PTPN1: variants seen among roughly 807,000 people sequenced by gnomAD.
PTPN1 encodes the protein tyrosine-protein phosphatase non-receptor type 1.
In PTPN1, 12 loss-of-function variants were observed where a neutral mutation model predicts 59.9. The observed-to-expected ratio is 0.20, with a 90% CI of 0.13 to 0.32. The LOEUF is 0.32. PTPN1 is among the 10% of genes least tolerant of loss of function. The pLI is 1.00. For missense variants in PTPN1, 356 were observed against 549.2 expected, an observed-to-expected ratio of 0.65 and a Z score of 3.52; for synonymous variants, 178 against 203.6, an observed-to-expected ratio of 0.87 and a Z score of 1.07.
intron 1 of PTPN1, among the ~76,000 whole-genome samples, chr20:50,560,602 G>A (rs375700918): frequency 7.3e-5 from 11 of 151,204 alleles, no homozygotes; most frequent in Non-Finnish European, 1.6e-4. Context: ...CACCGTAGGG[G>A]ATGGGGCTGT....
rs115507939 is a variant in PTPN1, at chr20:50,510,762, C to T, written c.63+172C>T. ...GTCCCCCCACCCTTTGTCCCCGGGG[C>T]GGGCGTGTTTCTCGCCGCAGCGTCG... On this transcript the variant is annotated intron_variant, in intron 1 of 9. Transcript: ENST00000371621. 4.7e-3 allele frequency among the ~76,000 whole-genome samples: 713 copies of T among 151,792 alleles called. 4 individuals carry two copies. Among genetic ancestry groups the T allele is most frequent in the African/African-American group, 0.017 (683 of 41,348 alleles).
Position 50,582,191 on chromosome 20 carries a change from G to A in PTPN1, c.1285-501G>A, listed in dbSNP as rs188192333. The stretch of plus-strand genomic sequence containing the variant: ...CTCCTGTGACAGCCATCTTGCTCAT[G>A]TACCAGCCCTCATCACCCCATCCCC... On this transcript the variant is annotated intron_variant, in intron 9 of 9. Coordinates refer to ENST00000371621, the MANE Select transcript of PTPN1 (RefSeq NM_002827.4). This position sits in a 1 kb window ranked among gnomAD's most constrained non-coding sequence, Gnocchi z 4.2. Among the ~76,000 whole-genome samples, 2 of 152,366 alleles carry A rather than the reference G, an allele frequency of 1.3e-5. No homozygotes were observed. The highest frequency in any genetic ancestry group is 3.9e-4 in the East Asian group (2 of 5,184).
At chr20:50,528,221 C>T in intron 1 of PTPN1, among the ~76,000 whole-genome samples, 1 of 152,216 alleles carries the variant, frequency 6.6e-6, no homozygotes, top group East Asian at 1.9e-4. Flanking sequence ...ACTGCCTTGT[C>T]TAGGTCCTCC....
rs565466487 is a variant in PTPN1, at chr20:50,578,154, A to T, written c.493-266A>T. 11 of 431,076 alleles carry T rather than the reference A, an allele frequency of 2.6e-5. No individual in the cohort carries two copies. In the Admixed American group the frequency reaches 3.0e-4, roughly 12 times the overall value. 26.7% of individuals were successfully genotyped at this position (431,076 alleles called of 1,614,324 possible). ...TGTAACCATGTAGACAGTGGAAGTG[A>T]TAGGGAGAAAAGAGGTGAGGGGACT... On this transcript the variant is annotated intron_variant, in intron 5 of 9. Coordinates refer to ENST00000371621, the MANE Select transcript of PTPN1 (RefSeq NM_002827.4).
intron 5 of PTPN1, chr20:50,578,188 C>A: frequency 1.9e-6 from 1 of 525,348 alleles, no homozygotes. Context: ...CTCTTCAATC[C>A]GAAGGGAAAT....
chr20:50,530,609 G>A (rs535623558), intron 1 of PTPN1, among the ~76,000 whole-genome samples: 18 of 152,006 alleles, frequency 1.2e-4, no homozygotes, highest in African/African-American at 4.3e-4. Flanking sequence ...CACCCTCCTC[G>A]GCCTCCCAAA....
At chr20:50,552,967 T>C (rs1436976458) in intron 1 of PTPN1, among the ~76,000 whole-genome samples, 1 of 152,314 alleles carries the variant, frequency 6.6e-6, no homozygotes, top group South Asian at 2.1e-4. Flanking sequence ...TATAAAAAAA[T>C]AATCTGCCCA....
chr20:50,510,600 C>T lies in PTPN1; in HGVS notation c.63+10C>T, dbSNP rs371287490. 23 of 1,547,624 alleles carry T rather than the reference C, an allele frequency of 1.5e-5. No homozygotes were observed. In the South Asian group the frequency reaches 2.5e-4, roughly 17 times the overall value. The stretch of plus-strand genomic sequence containing the variant: ...GGCGGCCATTTACCAGGTGCGGGAG[C>T]GCCCCGGAGCGTGGCGGGCCCTTCG... On this transcript the variant is annotated intron_variant, in intron 1 of 9. Transcript: ENST00000371621.
At chr20:50,546,119 C>T (rs2082674937) in intron 1 of PTPN1, among the ~76,000 whole-genome samples, 1 of 152,108 alleles carries the variant, frequency 6.6e-6, no homozygotes, top group African/African-American at 2.4e-5. Flanking sequence ...GGGATGGTAG[C>T]GTTTATGAGG....
chr20:50,560,148 G>A (rs946094800), intron 1 of PTPN1, among the ~76,000 whole-genome samples: 3 of 152,130 alleles, frequency 2.0e-5, no homozygotes, highest in African/African-American at 7.2e-5. Flanking sequence ...TGCCAGCGGT[G>A]TGAGTGTCTC....
chr20:50,511,597 C>A (rs2082507748), intron 1 of PTPN1, among the ~76,000 whole-genome samples: 1 of 152,158 alleles, frequency 6.6e-6, no homozygotes, highest in South Asian at 2.1e-4. Context: ...TCTTAGGAGT[C>A]ATCTCCTTGT....
intron 4 of PTPN1, among the ~76,000 whole-genome samples, chr20:50,569,514 G>A (rs923775214): frequency 6.6e-6 from 1 of 152,082 alleles, no homozygotes; most frequent in Non-Finnish European, 1.5e-5. Flanking sequence ...AGACTGTCCT[G>A]TGTAGACTGT....
At position 50,579,726 on chromosome 20, in the gene PTPN1, C is replaced by G; in HGVS notation, c.888C>G (p.His296Gln). The change falls in exon 8 of 10, where the codon CAC becomes CAG. Residue 296 changes from histidine to glutamine, a missense_variant. By Grantham distance (24) the His-to-Gln change is conservative (BLOSUM62 0). Transcript: ENST00000371621. Reference sequence around the variant, plus strand: ...AGGATCAGTGGAAGGAGCTTTCCCACGAGGACCTGGAGCCCCCACCCGAGC... The same window carrying G: ...AGGATCAGTGGAAGGAGCTTTCCCAGGAGGACCTGGAGCCCCCACCCGAGC... ...SVQDQWKELS[H>Q]EDLEPPPEHI... 5 of 1,612,416 alleles carry G rather than the reference C, an allele frequency of 3.1e-6. No individual in the cohort carries two copies. Among genetic ancestry groups the G allele is most frequent in the Non-Finnish European group, 4.2e-6 (5 of 1,179,760 alleles).
At chr20:50,537,205 C>T (rs1342248614) in intron 1 of PTPN1, among the ~76,000 whole-genome samples, 1 of 152,152 alleles carries the variant, frequency 6.6e-6, no homozygotes, top group Non-Finnish European at 1.5e-5. Flanking sequence ...CACCTGTAAT[C>T]CCAGCTAGTT....
At chr20:50,553,085 TAAAGGAAGG>T (rs1034879845) in intron 1 of PTPN1, among the ~76,000 whole-genome samples, 1 of 151,770 alleles carries the variant, frequency 6.6e-6, no homozygotes, top group African/African-American at 2.4e-5. Context: ...GTAAATTCTA[TAAAGGAAGG>T]AATTTTTATG....
intron 9 of PTPN1, among the ~76,000 whole-genome samples, chr20:50,581,792 TACAAC>T (rs2082870222): frequency 6.6e-6 from 1 of 152,104 alleles, no homozygotes; most frequent in African/African-American, 2.4e-5. Flanking sequence ...AAAATAGAGT[TACAAC>T]ACATTGTTGT....
At chr20:50,536,927 C>G (rs908923477) in intron 1 of PTPN1, among the ~76,000 whole-genome samples, 2 of 152,186 alleles carry the variant, frequency 1.3e-5, no homozygotes, top group African/African-American at 2.4e-5. Context: ...ATTCCTATCA[C>G]TGCAGCTTAT....
intron 1 of PTPN1, among the ~76,000 whole-genome samples, chr20:50,525,579 T>C (rs1351638122): frequency 6.6e-6 from 1 of 151,878 alleles, no homozygotes; most frequent in East Asian, 1.9e-4. Flanking sequence ...ATTCTAGCTA[T>C]GAGGATTATA....
Position 50,582,874 on chromosome 20 carries a change from G to A in PTPN1, c.*159G>A, listed in dbSNP as rs1405709443. On this transcript the variant is annotated 3_prime_UTR_variant, in exon 10 of 10. Coordinates refer to ENST00000371621, the MANE Select transcript of PTPN1 (RefSeq NM_002827.4). The surrounding 1 kb of genome is among the most constrained non-coding windows in gnomAD (Gnocchi z 4.2). ...TTCTGCACTAAAACCCATCTTCCCCGGATGTGTGTCTCACCCCTCATCCTT... is the reference window on the plus strand; with the variant it reads ...TTCTGCACTAAAACCCATCTTCCCCAGATGTGTGTCTCACCCCTCATCCTT... 36 of 781,940 alleles carry A rather than the reference G, an allele frequency of 4.6e-5. No individual in the cohort carries two copies. The highest frequency in any genetic ancestry group is 3.8e-4 in the South Asian group (23 of 61,294). 48.4% of individuals were successfully genotyped at this position (781,940 alleles called of 1,614,324 possible). A position where few individuals can be genotyped will look rare whatever the true frequency, so the allele number is the denominator to read the frequency against.
Sources: allele counts gnomAD v4.1 joint callset (sites outside exome capture counted in the v4.1 genomes callset), GRCh38; gene constraint gnomAD v4.1.1; non-coding constraint Gnocchi (gnomAD v3.1); transcripts MANE v1.5; gene names NCBI Gene and HGNC (gene_info 2026-07-23, HGNC 2026-07-21).